The following CNTN5 variants were observed in gnomAD, a reference collection of about 807,000 sequenced individuals.
The protein encoded by CNTN5 is contactin 5.
Under a neutral mutation model 129.1 loss-of-function variants are expected in CNTN5, and 77 were observed. That is an observed-to-expected ratio of 0.60 (90% CI 0.50 to 0.72). The LOEUF (loss-of-function observed/expected upper bound fraction) is 0.72, where lower values mean the gene tolerates loss of function less well. Ranked by LOEUF, CNTN5 falls within the 30% of genes least tolerant of loss-of-function variation. The pLI is 0.00. For missense variants in CNTN5, 1,478 were observed against 1,328.8 expected (o/e 1.11, Z -1.75); for synonymous variants, 509 against 465.6 (o/e 1.09, Z -1.20).
chr11:99,471,896 T>A (rs1199622427), intron 2 of CNTN5, among the ~76,000 whole-genome samples: 1 of 152,280 alleles, frequency 6.6e-6, no homozygotes, highest in South Asian at 2.1e-4. Flanking sequence ...ATACCTATCA[T>A]GATGCCTAAG....
intron 13 of CNTN5, among the ~76,000 whole-genome samples, chr11:100,149,992 A>G (rs1947001855): frequency 6.6e-6 from 1 of 152,148 alleles, no homozygotes; most frequent in South Asian, 2.1e-4. Context: ...CTTTAATCCA[A>G]ACAAACTGTG....
At position 100,043,626 on chromosome 11, in the gene CNTN5, C is replaced by G. The variant is rs1274898864; in HGVS notation, c.981-17586C>G. On this transcript the variant is annotated intron_variant, in intron 9 of 24. Transcript: ENST00000524871. ...AAGTTCCACTCATTTGCCTTGCTAT[C>G]TCATACTGTTCTGTGTGTTCATGTA... Among the ~76,000 whole-genome samples the G allele has an allele frequency of 6.6e-5, 10 of 152,262 alleles. No individual in the cohort carries two copies. The East Asian group carries it at 1.9e-3, about 29-fold the overall frequency.
rs1591539982 is a variant in CNTN5 at position 100,356,474 on chromosome 11, A to G, written c.*254A>G. 1 of 472,156 alleles carries G rather than the reference A, an allele frequency of 2.1e-6. No individual in the cohort carries two copies. The highest frequency in any genetic ancestry group is 3.4e-5 in the East Asian group (1 of 29,560). The allele number at this position is 472,156 out of a possible 1,614,324, so 29.2% of individuals were successfully genotyped here. On this transcript the variant is annotated 3_prime_UTR_variant, in exon 25 of 25. Transcript: ENST00000524871. ...GATTGTATGTAATGAATTTTTGTAAACAAAGGTAATTTCTGTCAAATGTAT... is the reference window on the plus strand; with the variant it reads ...GATTGTATGTAATGAATTTTTGTAAGCAAAGGTAATTTCTGTCAAATGTAT...
intron 2 of CNTN5, among the ~76,000 whole-genome samples, chr11:99,372,163 T>C (rs1939866154): frequency 6.6e-6 from 1 of 152,240 alleles, no homozygotes; most frequent in African/African-American, 2.4e-5. Flanking sequence ...CACAAACTTA[T>C]GATACATCCT....
chr11:99,785,948 A>G (rs892173829), intron 3 of CNTN5, among the ~76,000 whole-genome samples: 2 of 152,092 alleles, frequency 1.3e-5, no homozygotes, highest in African/African-American at 4.8e-5. Context: ...CCGGCACAAG[A>G]CAAGGATGCT....
chr11:99,773,817 C>CA (rs1168174092), intron 3 of CNTN5, among the ~76,000 whole-genome samples: 1 of 152,050 alleles, frequency 6.6e-6, no homozygotes, highest in Non-Finnish European at 1.5e-5. Flanking sequence ...ATGAGCGTGA[C>CA]ACACAAGGCC....
At chr11:99,442,300 G>C (rs778770407) in intron 2 of CNTN5, among the ~76,000 whole-genome samples, 5 of 152,108 alleles carry the variant, frequency 3.3e-5, no homozygotes, top group Non-Finnish European at 5.9e-5. Flanking sequence ...CTCCCGAGTA[G>C]CTGGGATTAC....
intron 13 of CNTN5, among the ~76,000 whole-genome samples, chr11:100,175,572 T>C (rs1239614696): frequency 1.3e-5 from 2 of 152,112 alleles, no homozygotes; most frequent in Non-Finnish European, 2.9e-5. Context: ...AATGTGTCCT[T>C]TATGAAGACA....
chr11:99,351,127 C>T (rs1395887683), intron 2 of CNTN5, among the ~76,000 whole-genome samples: 1 of 152,000 alleles, frequency 6.6e-6, no homozygotes, highest in East Asian at 1.9e-4. Context: ...GGTAACAAAA[C>T]TGCATGTTCT....
At chr11:100,175,858 A>C (rs963047995) in intron 13 of CNTN5, among the ~76,000 whole-genome samples, 1 of 152,116 alleles carries the variant, frequency 6.6e-6, no homozygotes, top group Non-Finnish European at 1.5e-5. Flanking sequence ...TATTAGCAGA[A>C]ACATTTTAAG....
At chr11:99,497,552 A>G (rs1484177690) in intron 2 of CNTN5, among the ~76,000 whole-genome samples, 1 of 152,180 alleles carries the variant, frequency 6.6e-6, no homozygotes, top group African/African-American at 2.4e-5. Context: ...AGGACAACTA[A>G]ACAAAACTAG....
intron 3 of CNTN5, among the ~76,000 whole-genome samples, chr11:99,613,727 T>C (rs1950667720): frequency 6.6e-6 from 1 of 152,206 alleles, no homozygotes; most frequent in South Asian, 2.1e-4. Context: ...TGATTCACCA[T>C]TTTTATTCTG....
chr11:99,663,399 CAG>C (rs1357965123), intron 3 of CNTN5, among the ~76,000 whole-genome samples: 1 of 152,152 alleles, frequency 6.6e-6, no homozygotes, highest in Non-Finnish European at 1.5e-5. Context: ...ACCTGGGAGA[CAG>C]AGGTTGTAGT....
intron 9 of CNTN5, among the ~76,000 whole-genome samples, chr11:100,058,097 AACAATT>A (rs1943309149): frequency 6.6e-6 from 1 of 152,134 alleles, no homozygotes; most frequent in Non-Finnish European, 1.5e-5. Context: ...TTTTAAACTA[AACAATT>A]ACAATTTATA....
intron 10 of CNTN5, among the ~76,000 whole-genome samples, chr11:100,065,692 G>A (rs1943667423): frequency 6.6e-6 from 1 of 152,016 alleles, no homozygotes; most frequent in South Asian, 2.1e-4. Context: ...AGGATAGCAT[G>A]CTACTTCTCA....
chr11:99,346,379 A>T (rs759314835), intron 2 of CNTN5, among the ~76,000 whole-genome samples: 18 of 152,210 alleles, frequency 1.2e-4, no homozygotes, highest in Non-Finnish European at 1.8e-4. Context: ...TTCTTCTCTC[A>T]TCTCCACCAA....
At chr11:99,858,070 CA>C (rs1948094504) in intron 6 of CNTN5, among the ~76,000 whole-genome samples, 1 of 151,938 alleles carries the variant, frequency 6.6e-6, no homozygotes, top group Non-Finnish European at 1.5e-5. Flanking sequence ...CTCTTTCAGT[CA>C]GGTTTTTAAA....
At chr11:99,482,846 G>T (rs879409337) in intron 2 of CNTN5, among the ~76,000 whole-genome samples, 1 of 151,934 alleles carries the variant, frequency 6.6e-6, no homozygotes, top group Admixed American at 6.6e-5. Flanking sequence ...GTCAAAAAAT[G>T]AGAAGTCAAG....
chr11:99,311,518 G>C (rs1410097422), intron 1 of CNTN5, among the ~76,000 whole-genome samples: 2 of 151,916 alleles, frequency 1.3e-5, no homozygotes, highest in Non-Finnish European at 2.9e-5. Flanking sequence ...CTTTCACTAG[G>C]GAAGGGGTTC....
Sources: allele counts gnomAD v4.1 joint callset (sites outside exome capture counted in the v4.1 genomes callset), GRCh38; gene constraint gnomAD v4.1.1; transcripts MANE v1.5; gene names NCBI Gene and HGNC (gene_info 2026-07-23, HGNC 2026-07-21).